SH3BP5: variants seen among roughly 807,000 people sequenced by gnomAD.
The protein encoded by SH3BP5 is SH3 domain-binding protein 5.
SH3BP5 carries 22 observed loss-of-function variants against 43.3 expected under a neutral mutation model. The observed-to-expected ratio is 0.51, with a 90% CI of 0.36 to 0.73. The LOEUF (loss-of-function observed/expected upper bound fraction) is 0.73, where lower values mean the gene tolerates loss of function less well. SH3BP5 is among the 30% of genes least tolerant of loss of function. The pLI, the probability that SH3BP5 is intolerant of heterozygous loss-of-function variation, is 0.00. For missense variants in SH3BP5, 529 were observed against 586.9 expected (o/e 0.90, Z 1.02); for synonymous variants, 255 against 225.8 (o/e 1.13, Z -1.16).
At chr3:15,340,044 C>T (rs1698747605) in intron 1 of SH3BP5, among the ~76,000 whole-genome samples, 1 of 152,104 alleles carries the variant, frequency 6.6e-6, no homozygotes, top group South Asian at 2.1e-4. Context: ...AATGACTCAT[C>T]ACCATGACCC....
At chr3:15,310,139 G>C (rs999748509) in intron 2 of SH3BP5, among the ~76,000 whole-genome samples, 1 of 152,166 alleles carries the variant, frequency 6.6e-6, no homozygotes, top group Non-Finnish European at 1.5e-5. Flanking sequence ...GTGATTGTTC[G>C]ATGAGCAGGG....
At chr3:15,270,631 T>C (rs1332161077) in intron 3 of SH3BP5, among the ~76,000 whole-genome samples, 1 of 152,106 alleles carries the variant, frequency 6.6e-6, no homozygotes, top group Non-Finnish European at 1.5e-5. Flanking sequence ...TACTGATTGT[T>C]CAAAATGTGA....
chr3:15,318,424 C>T (rs1015846415), intron 2 of SH3BP5, among the ~76,000 whole-genome samples: 1 of 150,450 alleles, frequency 6.6e-6, no homozygotes, highest in African/African-American at 2.5e-5. Flanking sequence ...GACTGTACGG[C>T]ACATTAAGAG....
intron 4 of SH3BP5, among the ~76,000 whole-genome samples, chr3:15,263,565 A>G (rs1291549324): frequency 1.3e-5 from 2 of 152,236 alleles, no homozygotes; most frequent in African/African-American, 4.8e-5. Flanking sequence ...AAGACAAGTC[A>G]AAGTTCTGGT....
At chr3:15,272,508 GA>G (rs1696830693) in intron 3 of SH3BP5, among the ~76,000 whole-genome samples, 1 of 149,984 alleles carries the variant, frequency 6.7e-6, no homozygotes, top group Middle Eastern at 3.4e-3. Context: ...GTGGGGGACA[GA>G]AGGAAGGATT....
In SH3BP5 at chr3:15,272,552, CTGTAGGATAAAGA is replaced by C. The variant is rs1559432580; in HGVS notation, c.331-2688_331-2676del. The stretch of plus-strand genomic sequence containing the variant: ...CTAAAGACATTACAAAACAGAGTGC[CTGTAGGATAAAGA>C]CATTACAAAACAGAGTGCCTGTAGG... On this transcript the variant is annotated intron_variant, in intron 3 of 8. Transcript: ENST00000383791. Among the ~76,000 whole-genome samples, 512 of 105,420 alleles carry C rather than the reference CTGTAGGATAAAGA, an allele frequency of 4.9e-3. 7 individuals carry two copies. The highest frequency in any genetic ancestry group is 7.1e-3 in the East Asian group (27 of 3,824). 69.2% of individuals were successfully genotyped at this position (105,420 alleles called of 152,430 possible). A position where few individuals can be genotyped will look rare whatever the true frequency, so the allele number is the denominator to read the frequency against.
intron 4 of SH3BP5, among the ~76,000 whole-genome samples, chr3:15,264,772 GA>G (rs1433685583): frequency 6.6e-6 from 1 of 152,084 alleles, no homozygotes; most frequent in Admixed American, 6.5e-5. Context: ...GATACTTGGG[GA>G]AACAGCAGTA....
At chr3:15,259,387 C>T (rs1405559279) in intron 6 of SH3BP5, 7 of 514,028 alleles carry the variant, frequency 1.4e-5, no homozygotes, top group African/African-American at 7.7e-5. Context: ...CAAAGTTGAG[C>T]TTGCATCAAA....
intron 3 of SH3BP5, among the ~76,000 whole-genome samples, chr3:15,279,495 A>G (rs1277861584): frequency 2.6e-5 from 4 of 152,222 alleles, no homozygotes; most frequent in Non-Finnish European, 4.4e-5. Flanking sequence ...GTTTTGTTCC[A>G]GCCTGAGCTT....
intron 4 of SH3BP5, among the ~76,000 whole-genome samples, chr3:15,268,418 G>T (rs6788936): frequency 0.16 from 24,575 of 151,988 alleles, 5,686 homozygotes; most frequent in African/African-American, 0.51. Flanking sequence ...CCGTACCCGC[G>T]CCGTCCAGGG....
intron 1 of SH3BP5, among the ~76,000 whole-genome samples, chr3:15,340,869 A>G (rs965139142): frequency 5.9e-5 from 9 of 151,982 alleles, no homozygotes; most frequent in African/African-American, 1.9e-4. Context: ...CCTGGCCAAC[A>G]TGGAGAAACC....
In SH3BP5 at chr3:15,281,259, TC is replaced by T. The variant is rs897565905; in HGVS notation, c.331-11383del. Among the ~76,000 whole-genome samples the T allele has an allele frequency of 5.3e-5, 8 of 152,102 alleles. No homozygotes were observed. In the East Asian group the frequency reaches 1.4e-3, roughly 26 times the overall value. On this transcript the variant is annotated intron_variant, in intron 3 of 8. Coordinates refer to ENST00000383791, the MANE Select transcript of SH3BP5 (RefSeq NM_004844.5). ...CAGGCTGGTCAAGAGTGAAACACGG[TC>T]CCCCAACAAGAACACATTTTGATGC...
At position 15,288,764 on chromosome 3, in the gene SH3BP5, A is replaced by C. The variant is rs192913559; in HGVS notation, c.330+15339T>G. On this transcript the variant is annotated intron_variant, in intron 3 of 8. Transcript: ENST00000383791. ...CTCAAAAACAAAACAAACAAACAAA[A>C]AAAGGCTATTTCAATGCTCTGGGTA... 1.9e-3 allele frequency among the ~76,000 whole-genome samples: 296 copies of C among 152,308 alleles called. 2 individuals are homozygous for C. The highest frequency in any genetic ancestry group is 5.8e-3 in the African/African-American group (240 of 41,556).
At chr3:15,276,451 C>G (rs1368164825) in intron 3 of SH3BP5, among the ~76,000 whole-genome samples, 7 of 152,132 alleles carry the variant, frequency 4.6e-5, no homozygotes, top group Non-Finnish European at 1.0e-4. Flanking sequence ...CAGTGTGTAC[C>G]CCCCGGAGTA....
At chr3:15,311,995 C>T (rs758981544) in intron 2 of SH3BP5, among the ~76,000 whole-genome samples, 14 of 152,092 alleles carry the variant, frequency 9.2e-5, no homozygotes, top group Non-Finnish European at 1.8e-4. Context: ...GTCCAGTGTG[C>T]CAGTCACTTC....
intron 1 of SH3BP5, among the ~76,000 whole-genome samples, chr3:15,340,023 C>T (rs1200830634): frequency 6.6e-6 from 1 of 151,920 alleles, no homozygotes; most frequent in Non-Finnish European, 1.5e-5. Context: ...CTTCTGTGTC[C>T]CGAGAAGAAA....
chr3:15,258,779 A>G, intron 7 of SH3BP5, 52 bp downstream of exon 7: 1 of 1,515,966 alleles, frequency 6.6e-7, no homozygotes, highest in African/African-American at 1.4e-5. Context: ...CTTGGGAAAC[A>G]AATCACACAG....
intron 2 of SH3BP5, among the ~76,000 whole-genome samples, chr3:15,304,702 C>G (rs374637248): frequency 7.2e-5 from 11 of 151,986 alleles, no homozygotes; most frequent in African/African-American, 2.7e-4. Context: ...GCTGTCCCAG[C>G]CACTCAGGAG....
At position 15,254,509 on chromosome 3, in the gene SH3BP5, C is replaced by CA. The variant is rs1181851068; in HGVS notation, c.*1576_*1577insT. ...TAAAAGTCTAATGCCCCAGTGTACC[C>CA]CCCCCAGTTAATTAATTAAATAATT... On this transcript the variant is annotated 3_prime_UTR_variant, in exon 9 of 9. Coordinates refer to ENST00000383791, the MANE Select transcript of SH3BP5 (RefSeq NM_004844.5). 6.6e-6 allele frequency: 1 copy of CA among 152,126 alleles called. No individual in the cohort carries two copies. The highest frequency in any genetic ancestry group is 1.5e-5 in the Non-Finnish European group (1 of 68,042). The allele number at this position is 152,126 out of a possible 1,614,324, so 9.4% of individuals were successfully genotyped here. A position where few individuals can be genotyped will look rare whatever the true frequency, so the allele number is the denominator to read the frequency against.
Sources: allele counts gnomAD v4.1 joint callset (sites outside exome capture counted in the v4.1 genomes callset), GRCh38; gene constraint gnomAD v4.1.1; transcripts MANE v1.5; gene names NCBI Gene and HGNC (gene_info 2026-07-23, HGNC 2026-07-21).